The following KIDINS220 variants were observed in gnomAD, a reference collection of about 807,000 sequenced individuals.
The protein encoded by KIDINS220 is kinase D interacting substrate 220.
KIDINS220 carries 63 observed loss-of-function variants against 157.6 expected under a neutral mutation model. The observed-to-expected ratio is 0.40, with a 90% confidence interval of 0.33 to 0.49. KIDINS220 has a LOEUF of 0.49. Ranked by LOEUF, KIDINS220 falls within the 20% of genes least tolerant of loss-of-function variation. KIDINS220 has a pLI of 0.66. For missense variants in KIDINS220, 1,772 were observed against 2,171.2 expected, an observed-to-expected ratio of 0.82 and a Z score of 3.65; for synonymous variants, 732 against 783.6, an observed-to-expected ratio of 0.93 and a Z score of 1.10.
chr2:8,765,809 T>A (rs925348354), intron 22 of KIDINS220, among the ~76,000 whole-genome samples: 16 of 152,122 alleles, frequency 1.1e-4, no homozygotes, highest in Non-Finnish European at 1.8e-4. Context: ...GCTCAAGTGA[T>A]CCTCCTACCT....
Position 8,789,957 on chromosome 2 carries a change from A to G in KIDINS220, c.1544T>C (p.Leu515Ser), listed in dbSNP as rs760178400. The G allele has an allele frequency of 1.2e-6, 2 of 1,614,100 alleles. No individual in the cohort carries two copies. The highest frequency in any genetic ancestry group is 4.5e-5 in the East Asian group (2 of 44,866). The part of the protein sequence containing the change: ...TLLLCGGLGL[L>S]FAFTVHPNLG... ...ATTTGGGTGGACCGTGAAGGCAAAC[A>G]ATAAACCAAGCCCTCCACAAAGTAG... Residue 515 changes from leucine (L) to serine (S), a missense_variant, in exon 14 of 30, where the codon TTG becomes TCG. Leu to Ser is a moderately radical substitution (Grantham distance 145). This residue lies in a region of KIDINS220 where 725 missense variants were observed against 1,017.1 expected (regional missense o/e 0.71). Coordinates refer to ENST00000256707, the MANE Select transcript of KIDINS220 (RefSeq NM_020738.4).
chr2:8,746,957 G>A, intron 26 of KIDINS220, 188 bp downstream of exon 26: 2 of 532,770 alleles, frequency 3.8e-6, no homozygotes, highest in Non-Finnish European at 6.7e-6. Context: ...AATAATGGGT[G>A]AAGTTAAACA....
intron 5 of KIDINS220, 38 bp from the exon 6 acceptor site, chr2:8,812,531 T>A: frequency 8.3e-7 from 1 of 1,210,366 alleles, no homozygotes; most frequent in Non-Finnish European, 1.1e-6. Flanking sequence ...GGTAGATAAG[T>A]AGGAAGGAAG....
intron 7 of KIDINS220, among the ~76,000 whole-genome samples, chr2:8,804,381 G>A (rs1675148768): frequency 6.6e-6 from 1 of 152,126 alleles, no homozygotes; most frequent in African/African-American, 2.4e-5. Context: ...TGTTTCTTAT[G>A]CATAAATATT....
chr2:8,810,395 T>C (rs962571794), intron 6 of KIDINS220, among the ~76,000 whole-genome samples: 2 of 151,452 alleles, frequency 1.3e-5, no homozygotes, highest in African/African-American at 4.9e-5. Context: ...TTAGGTAGCA[T>C]TATTACCTGA....
rs755677467 is a variant in KIDINS220 at position 8,731,683 on chromosome 2, T to C, written c.4353A>G (p.Leu1451=). The C allele has an allele frequency of 6.2e-7, 1 of 1,614,096 alleles. No homozygotes were observed. Among genetic ancestry groups the C allele is most frequent in the Non-Finnish European group, 8.5e-7 (1 of 1,180,044 alleles). Reference sequence around the variant, plus strand: ...AATCGATAACATCTCCCCTCTTCATTAGAAAGGACTTCCTCCCATCATCGG... The same window carrying C: ...AATCGATAACATCTCCCCTCTTCATCAGAAAGGACTTCCTCCCATCATCGG... ...PKPDDGRKSF[L]MKRGDVIDYS... The change falls in exon 30 of 30, where the codon CTA becomes CTG. Residue 1451 remains leucine, a synonymous_variant. Coordinates refer to ENST00000256707, the MANE Select transcript of KIDINS220 (RefSeq NM_020738.4). The surrounding 1 kb of genome is among the most constrained non-coding windows in gnomAD (Gnocchi z 5.2).
intron 26 of KIDINS220, among the ~76,000 whole-genome samples, chr2:8,738,954 T>C (rs1383454356): frequency 6.6e-6 from 1 of 152,214 alleles, no homozygotes; most frequent in African/African-American, 2.4e-5. Flanking sequence ...AAAAAATTTA[T>C]TTCAAAAATC....
chr2:8,750,042 T>A, intron 24 of KIDINS220, 70 bp downstream of exon 24: 1 of 1,339,828 alleles, frequency 7.5e-7, no homozygotes, highest in Non-Finnish European at 1.0e-6. Flanking sequence ...CAAAACAGAA[T>A]CCACAAGCAG....
At chr2:8,762,284 G>A (rs538433851) in intron 22 of KIDINS220, among the ~76,000 whole-genome samples, 1 of 152,310 alleles carries the variant, frequency 6.6e-6, no homozygotes, top group South Asian at 2.1e-4. Flanking sequence ...TTTGGATAAT[G>A]AAGATCTGGG....
chr2:8,831,041 A>T (rs1332500963), intron 1 of KIDINS220, among the ~76,000 whole-genome samples: 1 of 152,222 alleles, frequency 6.6e-6, no homozygotes, highest in Admixed American at 6.5e-5. Context: ...ACACTGAAGC[A>T]AGAGTGACCT....
intron 29 of KIDINS220, 44 bp from the exon 30 acceptor site, chr2:8,732,026 GA>G: frequency 6.8e-7 from 1 of 1,480,432 alleles, no homozygotes; most frequent in Non-Finnish European, 9.0e-7. Flanking sequence ...CAAATAAGAA[GA>G]AAAAAGGCAT....
downstream of KIDINS220, among the ~76,000 whole-genome samples, chr2:8,727,579 AT>A (rs1572386435): frequency 1.3e-5 from 2 of 152,232 alleles, no homozygotes; most frequent in Admixed American, 6.5e-5. Flanking sequence ...ATTCAAAAAA[AT>A]ATCTTCTAAT....
rs1289788739 is a variant in KIDINS220 at position 8,730,714 on chromosome 2, T to C, written c.*6A>G. ...CAGTAACACTCTTCTCCTTTGCTTG[T>C]TTTTCTCAAAGAATGCTTTCTCTTT... On this transcript the variant is annotated 3_prime_UTR_variant, in exon 30 of 30. Transcript: ENST00000256707. 2 of 1,610,088 alleles carry C rather than the reference T, an allele frequency of 1.2e-6. No homozygotes were observed. Among genetic ancestry groups the C allele is most frequent in the South Asian group, 1.1e-5 (1 of 90,716 alleles).
chr2:8,796,556 T>C (rs1673954320), intron 11 of KIDINS220, among the ~76,000 whole-genome samples: 1 of 152,094 alleles, frequency 6.6e-6, no homozygotes, highest in Admixed American at 6.5e-5. Context: ...CTGTGAGCCG[T>C]AGAAGGAAAG....
intron 7 of KIDINS220, among the ~76,000 whole-genome samples, chr2:8,804,868 A>G (rs1450557001): frequency 6.6e-6 from 1 of 152,158 alleles, no homozygotes; most frequent in South Asian, 2.1e-4. Flanking sequence ...CTCCAACTCA[A>G]TTCTGACACT....
chr2:8,776,624 A>C (rs1176491977), intron 21 of KIDINS220, 124 bp downstream of exon 21: 5 of 716,378 alleles, frequency 7.0e-6, no homozygotes, highest in Non-Finnish European at 2.0e-6. Context: ...ACTTAATACA[A>C]ATAAAGCCAG....
At chr2:8,725,382 T>C (rs1663219724), downstream of KIDINS220, 1 of 152,246 alleles carries the variant, frequency 6.6e-6, no homozygotes, top group African/African-American at 2.4e-5. Flanking sequence ...ATACTAAATA[T>C]ACACTAAATG....
Position 8,733,697 on chromosome 2 carries a change from CA to C in KIDINS220, c.3817-18del. The C allele has an allele frequency of 7.0e-7, 1 of 1,421,198 alleles. No homozygotes were observed. Among genetic ancestry groups the C allele is most frequent in the Non-Finnish European group, 9.5e-7 (1 of 1,051,592 alleles). 88.0% of individuals were successfully genotyped at this position (1,421,198 alleles called of 1,614,324 possible). A position where few individuals can be genotyped will look rare whatever the true frequency, so the allele number is the denominator to read the frequency against. ...TTCTAGTACCTTAACAGAAGAAAAA[CA>C]TAAATATTTACACTAACAAATCATA... On this transcript the variant is annotated intron_variant, in intron 28 of 29. Transcript: ENST00000256707.
In KIDINS220 at chr2:8,810,397, A is replaced by G. The variant is rs997717937; in HGVS notation, c.504+1998T>C. On this transcript the variant is annotated intron_variant, in intron 6 of 29. Coordinates refer to ENST00000256707, the MANE Select transcript of KIDINS220 (RefSeq NM_020738.4). ...AATGAGTGACAGATTAGGTAGCATT[A>G]TTACCTGATTCTGGAGGGCCTTGAA... Among the ~76,000 whole-genome samples, 8 of 151,596 alleles carry G rather than the reference A, an allele frequency of 5.3e-5. 1 individual carries two copies. The highest frequency in any genetic ancestry group is 3.3e-4 in the Admixed American group (5 of 15,260).
Sources: allele counts gnomAD v4.1 joint callset (sites outside exome capture counted in the v4.1 genomes callset), GRCh38; gene constraint gnomAD v4.1.1; regional missense constraint gnomAD v4.1.1; non-coding constraint Gnocchi (gnomAD v3.1); transcripts MANE v1.5; gene names NCBI Gene and HGNC (gene_info 2026-07-23, HGNC 2026-07-21).